The following TENM3 variants were observed in gnomAD, a reference collection of about 807,000 sequenced individuals.
TENM3 encodes teneurin-3.
In TENM3, 63 loss-of-function variants were observed where a neutral mutation model predicts 255.1. The observed-to-expected ratio is 0.25, with a 90% CI of 0.20 to 0.30. The LOEUF (loss-of-function observed/expected upper bound fraction) is 0.30. Among genes scored for constraint, TENM3 ranks in the 10% least tolerant of loss-of-function variants. TENM3 has a pLI of 1.00. For synonymous variants in TENM3, 1,306 were observed against 1,322.3 expected, an observed-to-expected ratio of 0.99 and a Z score of 0.27; for missense variants, 2,929 against 3,461.1, an observed-to-expected ratio of 0.85 and a Z score of 3.86.
At chr4:181,853,233 A>G in the TENM3 span, among the ~76,000 whole-genome samples, 2 of 152,234 alleles carry the variant, frequency 1.3e-5, no homozygotes, top group African/African-American at 2.4e-5. Flanking sequence ...GATCTCCTCA[A>G]GGGAATTTAT....
chr4:181,733,866 G>A, the TENM3 span, among the ~76,000 whole-genome samples: 158 of 152,240 alleles, frequency 1.0e-3, no homozygotes, highest in African/African-American at 3.1e-3. Flanking sequence ...GACATTATGC[G>A]TTTAAAAATG....
At chr4:182,028,636 T>A in the TENM3 span, among the ~76,000 whole-genome samples, 1 of 152,218 alleles carries the variant, frequency 6.6e-6, no homozygotes, top group Admixed American at 6.5e-5. Context: ...GGTTTTGGTA[T>A]GTTGTGTTTC....
At chr4:182,697,198 C>T (rs1237407309) in intron 12 of TENM3, among the ~76,000 whole-genome samples, 2 of 152,150 alleles carry the variant, frequency 1.3e-5, no homozygotes, top group Non-Finnish European at 2.9e-5. Context: ...TAAATCTTGT[C>T]TCTAGGCAGA....
the TENM3 span, among the ~76,000 whole-genome samples, chr4:181,495,340 G>C: frequency 5.3e-5 from 8 of 152,134 alleles, no homozygotes; most frequent in African/African-American, 1.9e-4. Flanking sequence ...CAACGTTCTG[G>C]AGGGTTTTAA....
chr4:181,824,628 A>T, the TENM3 span, among the ~76,000 whole-genome samples: 1 of 152,218 alleles, frequency 6.6e-6, no homozygotes, highest in Admixed American at 6.5e-5. Flanking sequence ...AAATCATAAC[A>T]ACATGAGTTG....
rs955823743 is a variant in TENM3 at position 182,418,946 on chromosome 4, A to C, written c.511+72017A>C. ...TCTCAACAGACCTCAGATCTGCGGC[A>C]CGTTCCGTCCTTAGGGTTATGAGTG... On this transcript the variant is annotated intron_variant, in intron 3 of 27. Coordinates refer to ENST00000511685, the MANE Select transcript of TENM3 (RefSeq NM_001080477.4). Among the ~76,000 whole-genome samples, 8 of 152,180 alleles carry C rather than the reference A, an allele frequency of 5.3e-5. 1 individual carries two copies. The highest frequency in any genetic ancestry group is 1.9e-4 in the African/African-American group (8 of 41,436).
intron 1 of TENM3, among the ~76,000 whole-genome samples, chr4:182,165,083 C>T (rs1672707152): frequency 6.6e-6 from 1 of 152,166 alleles, no homozygotes; most frequent in South Asian, 2.1e-4. Flanking sequence ...TTTTAAAAGC[C>T]TCCCTAGTGT....
At chr4:181,604,017 C>A in the TENM3 span, among the ~76,000 whole-genome samples, 3 of 152,206 alleles carry the variant, frequency 2.0e-5, no homozygotes, top group African/African-American at 4.8e-5. Flanking sequence ...GTAATCCCAG[C>A]ACTTTGGGAG....
intron 5 of TENM3, 51 bp from the exon 6 acceptor site, chr4:182,653,720 T>C: frequency 6.5e-7 from 1 of 1,536,098 alleles, no homozygotes. Flanking sequence ...GCAATTGCCG[T>C]TGTAGCTGAA....
At chr4:181,633,465 G>A in the TENM3 span, among the ~76,000 whole-genome samples, 2 of 152,080 alleles carry the variant, frequency 1.3e-5, no homozygotes, top group African/African-American at 2.4e-5. Context: ...GTCCCTGGAG[G>A]AGTCACACTC....
rs528585937 is a variant in TENM3 at position 182,507,989 on chromosome 4, G to A, written c.512-92935G>A. On this transcript the variant is annotated intron_variant, in intron 3 of 27. Transcript: ENST00000511685. ...GGAGCAGATGGTTGCTGTCCCCCGA[G>A]TGGTTCATACTCAGGCTCTGGTATC... Among the ~76,000 whole-genome samples, 5 of 152,140 alleles carry A rather than the reference G, an allele frequency of 3.3e-5. No homozygotes were observed. The South Asian group carries it at 1.0e-3, about 32-fold the overall frequency.
the TENM3 span, among the ~76,000 whole-genome samples, chr4:181,464,011 C>T: frequency 9.6e-3 from 1,454 of 152,190 alleles, 21 homozygotes; most frequent in African/African-American, 0.032. Context: ...AACAATACTC[C>T]ACTGAATGAA....
At chr4:181,963,179 T>C in the TENM3 span, among the ~76,000 whole-genome samples, 1 of 152,212 alleles carries the variant, frequency 6.6e-6, no homozygotes. Flanking sequence ...CTACAAAAGC[T>C]GTCTCAAACA....
At chr4:181,843,774 C>T in the TENM3 span, among the ~76,000 whole-genome samples, 1 of 138,508 alleles carries the variant, frequency 7.2e-6, no homozygotes, top group Non-Finnish European at 1.5e-5. Flanking sequence ...GGCTGGAGTG[C>T]AGTGGCGTGA....
chr4:181,533,230 A>G, the TENM3 span, among the ~76,000 whole-genome samples: 14 of 152,180 alleles, frequency 9.2e-5, no homozygotes, highest in Non-Finnish European at 1.9e-4. Flanking sequence ...AGCCCAGCAT[A>G]CTGGGTCAAA....
chr4:182,752,736 A>G (rs924890559), intron 20 of TENM3, among the ~76,000 whole-genome samples: 1 of 152,122 alleles, frequency 6.6e-6, no homozygotes, highest in African/African-American at 2.4e-5. Context: ...GGGTCAACAA[A>G]ACACTAACCT....
At chr4:181,589,661 G>T in the TENM3 span, among the ~76,000 whole-genome samples, 4 of 152,322 alleles carry the variant, frequency 2.6e-5, no homozygotes, top group East Asian at 7.7e-4. Context: ...TGTATGTAAT[G>T]CAGGTTTCAC....
chr4:181,539,616 TAAAG>T, the TENM3 span, among the ~76,000 whole-genome samples: 3 of 152,134 alleles, frequency 2.0e-5, no homozygotes, highest in African/African-American at 7.2e-5. Flanking sequence ...AGGAAATTGT[TAAAG>T]AAAGAAAGAA....
At chr4:181,982,627 G>A in the TENM3 span, among the ~76,000 whole-genome samples, 2 of 151,994 alleles carry the variant, frequency 1.3e-5, no homozygotes, top group African/African-American at 4.8e-5. Context: ...GAGTTAATGC[G>A]GCTCCAAAAG....
Sources: allele counts gnomAD v4.1 joint callset (sites outside exome capture counted in the v4.1 genomes callset), GRCh38; gene constraint gnomAD v4.1.1; transcripts MANE v1.5; gene names NCBI Gene and HGNC (gene_info 2026-07-23, HGNC 2026-07-21).